CCSER1: variants seen among roughly 807,000 people sequenced by gnomAD.
CCSER1 encodes coiled-coil serine rich protein 1.
CCSER1 carries 41 observed loss-of-function variants against 82.0 expected under a neutral mutation model. The observed-to-expected ratio is 0.50, with a 90% confidence interval of 0.39 to 0.65. CCSER1 has a LOEUF of 0.65. CCSER1 is among the 30% of genes least tolerant of loss of function. The pLI, the probability that CCSER1 is intolerant of heterozygous loss-of-function variation, is 0.00. For missense variants in CCSER1, 1,119 were observed against 1,064.2 expected (o/e 1.05, Z -0.72); for synonymous variants, 414 against 383.9 (o/e 1.08, Z -0.92).
chr4:90,313,111 C>G (rs1474566388), intron 3 of CCSER1, 64 bp downstream of exon 3: 2 of 1,287,446 alleles, frequency 1.6e-6, no homozygotes, highest in Non-Finnish European at 2.2e-6. Flanking sequence ...ATGTTCATGT[C>G]TCTTGCAAAA....
chr4:91,464,945 A>G (rs571033454), intron 10 of CCSER1, among the ~76,000 whole-genome samples: 3 of 152,324 alleles, frequency 2.0e-5, no homozygotes, highest in African/African-American at 4.8e-5. Context: ...AGACAGATCA[A>G]TGAGACAGAA....
chr4:90,600,739 T>C (rs1330639934), intron 5 of CCSER1, among the ~76,000 whole-genome samples: 2 of 151,970 alleles, frequency 1.3e-5, no homozygotes, highest in African/African-American at 4.8e-5. Flanking sequence ...AATCAATTGA[T>C]CAATGTCTCT....
chr4:90,829,326 A>G (rs1249487959), intron 8 of CCSER1, among the ~76,000 whole-genome samples: 1 of 152,182 alleles, frequency 6.6e-6, no homozygotes, highest in Admixed American at 6.6e-5. Flanking sequence ...TTTTTTAGAT[A>G]GAATGGTTTA....
intron 6 of CCSER1, among the ~76,000 whole-genome samples, chr4:90,709,726 A>C (rs1740127259): frequency 6.6e-6 from 1 of 152,176 alleles, no homozygotes; most frequent in Admixed American, 6.6e-5. Context: ...GCTATTGTGA[A>C]TAGTGCTGCA....
intron 6 of CCSER1, among the ~76,000 whole-genome samples, chr4:90,653,210 A>G (rs543872096): frequency 2.0e-5 from 3 of 152,280 alleles, no homozygotes; most frequent in African/African-American, 7.2e-5. Flanking sequence ...TTGAGAGATT[A>G]TATCCTCTTA....
chr4:91,065,446 C>T (rs1372603346), intron 9 of CCSER1, among the ~76,000 whole-genome samples: 6 of 151,638 alleles, frequency 4.0e-5, no homozygotes, highest in Non-Finnish European at 5.9e-5. Flanking sequence ...TTTTGATATT[C>T]GATATATACA....
At chr4:90,631,272 A>C (rs113191912) in intron 6 of CCSER1, among the ~76,000 whole-genome samples, 1,867 of 152,268 alleles carry the variant, frequency 0.012, 38 homozygotes, top group African/African-American at 0.043. Flanking sequence ...TTTACATGTC[A>C]TATTAGAATA....
intron 6 of CCSER1, among the ~76,000 whole-genome samples, chr4:90,691,612 A>G (rs1560951672): frequency 7.1e-6 from 1 of 140,846 alleles, no homozygotes; most frequent in East Asian, 2.0e-4. Context: ...TATATATCAC[A>G]TGTATATATG....
At chr4:91,030,036 G>T (rs1204674308) in intron 9 of CCSER1, among the ~76,000 whole-genome samples, 1 of 151,880 alleles carries the variant, frequency 6.6e-6, no homozygotes, top group Non-Finnish European at 1.5e-5. Context: ...ATAAAAACAA[G>T]TCATAAAGGG....
chr4:90,302,813 A>T (rs1733421191), intron 1 of CCSER1, among the ~76,000 whole-genome samples: 1 of 151,746 alleles, frequency 6.6e-6, no homozygotes, highest in African/African-American at 2.4e-5. Flanking sequence ...CAAAAACAAA[A>T]CAAAACAAAA....
chr4:91,003,964 A>C (rs10440322), intron 9 of CCSER1, among the ~76,000 whole-genome samples: 1 of 152,242 alleles, frequency 6.6e-6, no homozygotes, highest in Admixed American at 6.5e-5. Context: ...GGGAAGGTCA[A>C]AATCTTCTTC....
chr4:90,833,547 C>A (rs1019905782), intron 8 of CCSER1, among the ~76,000 whole-genome samples: 4 of 152,108 alleles, frequency 2.6e-5, no homozygotes, highest in Admixed American at 1.3e-4. Flanking sequence ...TAATGATGAG[C>A]TATTTGTGCA....
At chr4:90,242,169 T>C (rs985687593) in intron 1 of CCSER1, among the ~76,000 whole-genome samples, 3 of 152,246 alleles carry the variant, frequency 2.0e-5, no homozygotes, top group South Asian at 4.1e-4. Flanking sequence ...TAGCTGGGCA[T>C]GGTGGTGCAT....
intron 6 of CCSER1, among the ~76,000 whole-genome samples, chr4:90,719,427 C>A (rs145548290): frequency 0.013 from 1,998 of 152,170 alleles, 21 homozygotes; most frequent in Middle Eastern, 0.048. Flanking sequence ...ATAGAAATAA[C>A]GTGCACAATA....
chr4:90,910,932 A>C (rs1726240685), intron 8 of CCSER1, among the ~76,000 whole-genome samples: 1 of 152,226 alleles, frequency 6.6e-6, no homozygotes, highest in African/African-American at 2.4e-5. Flanking sequence ...ACAGAATGTA[A>C]GTCTAAATAT....
intron 3 of CCSER1, among the ~76,000 whole-genome samples, chr4:90,392,673 A>G (rs1026223618): frequency 1.3e-5 from 2 of 149,238 alleles, no homozygotes; most frequent in Admixed American, 6.6e-5. Context: ...TGGACTTGTA[A>G]TGGGACTTGC....
chr4:90,203,884 C>A (rs1247556224), intron 1 of CCSER1, among the ~76,000 whole-genome samples: 4 of 152,194 alleles, frequency 2.6e-5, no homozygotes, highest in African/African-American at 9.6e-5. Context: ...GATCACCATT[C>A]TAACTGGCAC....
intron 5 of CCSER1, among the ~76,000 whole-genome samples, chr4:90,564,027 G>A: frequency 6.6e-6 from 1 of 152,098 alleles, no homozygotes; most frequent in East Asian, 1.9e-4. Flanking sequence ...GCCTTTCCCT[G>A]ATGATTAATG....
intron 8 of CCSER1, among the ~76,000 whole-genome samples, chr4:90,888,379 A>T (rs377134037): frequency 6.6e-6 from 1 of 151,656 alleles, no homozygotes; most frequent in Non-Finnish European, 1.5e-5. Flanking sequence ...TGATTTAAAT[A>T]TACTTTGAAA....
Sources: allele counts gnomAD v4.1 joint callset (sites outside exome capture counted in the v4.1 genomes callset), GRCh38; gene constraint gnomAD v4.1.1; transcripts MANE v1.5; gene names NCBI Gene and HGNC (gene_info 2026-07-23, HGNC 2026-07-21).